The following PPL variants were observed in gnomAD, a reference collection of about 807,000 sequenced individuals.
PPL encodes the protein periplakin, also known as 190 kDa paraneoplastic pemphigus antigen.
Under a neutral mutation model 194.4 loss-of-function variants are expected in PPL, and 198 were observed. The ratio of observed to expected loss-of-function variants is 1.02; its 90% CI spans 0.91 to 1.15. The LOEUF is 1.15. PPL is among the 50% of genes most tolerant of loss of function. The pLI is 0.00. For synonymous variants in PPL, 1,220 were observed against 972.4 expected (o/e 1.25, Z -4.74); for missense variants, 2,885 against 2,294.8 (o/e 1.26, Z -5.25).
chr16:4,913,008 G>C lies in PPL; in HGVS notation c.63-2059C>G, dbSNP rs148954237. ...AGTCCCAGCTACTCGGGAGGCTGAG[G>C]CAGGAGAACTGCTTGAACCTGGGAG... On this transcript the variant is annotated intron_variant, in intron 1 of 21. Coordinates refer to ENST00000345988, the MANE Select transcript of PPL (RefSeq NM_002705.5). 8.1e-3 allele frequency among the ~76,000 whole-genome samples: 1,233 copies of C among 152,186 alleles called. 10 individuals carry two copies. The highest frequency in any genetic ancestry group is 0.013 in the Non-Finnish European group (892 of 68,010).
intron 1 of PPL, among the ~76,000 whole-genome samples, chr16:4,915,497 G>A (rs73519185): frequency 0.019 from 2,842 of 152,296 alleles, 87 homozygotes; most frequent in African/African-American, 0.063. Context: ...CTAAGTCCCC[G>A]GGGAGGTTGG....
At chr16:4,894,641 T>C in intron 11 of PPL, 23 bp from the exon 12 acceptor site, 1 of 1,607,956 alleles carries the variant, frequency 6.2e-7, no homozygotes, top group Non-Finnish European at 8.5e-7. Context: ...GGCTGGACAG[T>C]CAGGATCCCG....
intron 10 of PPL, 43 bp downstream of exon 10, chr16:4,895,551 C>T (rs1458235454): frequency 3.1e-6 from 5 of 1,612,212 alleles, no homozygotes; most frequent in Admixed American, 1.7e-5. Flanking sequence ...GTAGAGGGGT[C>T]CCCCGCCCCC....
intron 18 of PPL, 36 bp from the exon 19 acceptor site, chr16:4,889,097 A>G (rs2142334784): frequency 6.3e-7 from 1 of 1,583,724 alleles, no homozygotes; most frequent in African/African-American, 1.4e-5. Flanking sequence ...AACTAACCAG[A>G]AAAAAAATTT....
At chr16:4,911,485 C>G (rs1404167929) in intron 1 of PPL, among the ~76,000 whole-genome samples, 2 of 151,820 alleles carry the variant, frequency 1.3e-5, no homozygotes, top group Admixed American at 1.3e-4. Context: ...ATCATTCTCT[C>G]TAATGCTTCT....
chr16:4,920,338 AGAG>A (rs1199044636), intron 1 of PPL, among the ~76,000 whole-genome samples: 4 of 69,352 alleles, frequency 5.8e-5, no homozygotes, highest in Admixed American at 1.6e-4. Context: ...AAAGAAAGAG[AGAG>A]AGAGAGAAAG....
In PPL at chr16:4,902,545, C is replaced by T; in HGVS notation, c.318-19G>A. 6.2e-7 allele frequency: 1 copy of T among 1,610,396 alleles called. No homozygotes were observed. On this transcript the variant is annotated intron_variant, in intron 3 of 21. Transcript: ENST00000345988. The surrounding 1 kb of genome is among the most constrained non-coding windows in gnomAD (Gnocchi z 4.0). The stretch of plus-strand genomic sequence containing the variant: ...GCGGATACTGATGGGAGAGAGGCTC[C>T]CACTTAGTGGGGCTGGTTGGCACTG...
At chr16:4,900,511 C>A (rs1393075264) in intron 6 of PPL, among the ~76,000 whole-genome samples, 1 of 138,612 alleles carries the variant, frequency 7.2e-6, no homozygotes, top group African/African-American at 2.6e-5. Context: ...ACGATCACAG[C>A]TCATTGCAGC....
At chr16:4,889,408 C>T (rs1188409348) in intron 18 of PPL, among the ~76,000 whole-genome samples, 3 of 149,946 alleles carry the variant, frequency 2.0e-5, no homozygotes, top group African/African-American at 7.3e-5. Flanking sequence ...GCTCCTGCCA[C>T]CATACCCAGC....
intron 4 of PPL, 95 bp from the exon 5 acceptor site, chr16:4,901,184 GCT>G (rs947041883): frequency 7.2e-6 from 10 of 1,397,966 alleles, no homozygotes; most frequent in South Asian, 5.4e-5. Flanking sequence ...GCATGATGGT[GCT>G]CTCTTTTTCA....
In PPL at chr16:4,885,384, G is replaced by C. The variant is rs774352714; in HGVS notation, c.3271C>G (p.Leu1091Val). 1.2e-6 allele frequency: 2 copies of C among 1,612,884 alleles called. No homozygotes were observed. Among genetic ancestry groups the C allele is most frequent in the Non-Finnish European group, 8.5e-7 (1 of 1,179,968 alleles). ...DQLREKQEEE[L>V]SFLQDKLKRL... ...TTGAGCTTGTCCTGGAGGAAGCTCA[G>C]CTCCTCCTCCTGCTTCTCCCTGAGC... Residue 1091 changes from leucine (L) to valine (V), a missense_variant, in exon 22 of 22, where the codon CTG becomes GTG. Transcript: ENST00000345988. The surrounding 1 kb of genome is among the most constrained non-coding windows in gnomAD (Gnocchi z 6.3).
At chr16:4,898,049 A>C (rs923650310) in intron 8 of PPL, among the ~76,000 whole-genome samples, 1 of 152,198 alleles carries the variant, frequency 6.6e-6, no homozygotes. Flanking sequence ...AATCTGTACA[A>C]AGGCACTGTC....
At chr16:4,911,571 C>G (rs1261161062) in intron 1 of PPL, among the ~76,000 whole-genome samples, 1 of 152,198 alleles carries the variant, frequency 6.6e-6, no homozygotes, top group Non-Finnish European at 1.5e-5. Context: ...GTCTCACACT[C>G]TTGCCCAGGC....
intron 1 of PPL, among the ~76,000 whole-genome samples, chr16:4,920,333 A>AAGAGAGAGAGAGAGAGAGAAAGAGAGAG (rs1162923677): frequency 1.4e-5 from 1 of 73,660 alleles, no homozygotes; most frequent in Non-Finnish European, 3.8e-5. Context: ...GAAAGAAAGA[A>AAGAGAGAGAGAGAGAGAGAAAGAGAGAG]AGAGAGAGAG....
chr16:4,928,551 T>G (rs2089188190), intron 1 of PPL, among the ~76,000 whole-genome samples: 1 of 152,246 alleles, frequency 6.6e-6, no homozygotes, highest in Non-Finnish European at 1.5e-5. Context: ...AATTTTTTGC[T>G]GCCCCCACTG....
At chr16:4,924,352 T>C (rs1388674110) in intron 1 of PPL, among the ~76,000 whole-genome samples, 1 of 152,174 alleles carries the variant, frequency 6.6e-6, no homozygotes, top group Non-Finnish European at 1.5e-5. Context: ...GCACAGCCCA[T>C]GTCACGGGGC....
chr16:4,929,542 C>G (rs1343691467), intron 1 of PPL, among the ~76,000 whole-genome samples: 2 of 152,338 alleles, frequency 1.3e-5, no homozygotes, highest in South Asian at 2.1e-4. Context: ...ATGTCCCCAC[C>G]ACCACGGTTT....
intron 14 of PPL, 103 bp downstream of exon 14, chr16:4,893,110 G>A (rs927840904): frequency 1.5e-6 from 2 of 1,359,952 alleles, no homozygotes; most frequent in South Asian, 1.6e-5. Flanking sequence ...GACAGCTGCA[G>A]TGAATATCCC....
At chr16:4,923,492 G>A (rs756456723) in intron 1 of PPL, among the ~76,000 whole-genome samples, 38 of 152,270 alleles carry the variant, frequency 2.5e-4, no homozygotes, top group Admixed American at 5.2e-4. Context: ...AGCCATCAGC[G>A]ACCTGGAAGG....
Sources: allele counts gnomAD v4.1 joint callset (sites outside exome capture counted in the v4.1 genomes callset), GRCh38; gene constraint gnomAD v4.1.1; non-coding constraint Gnocchi (gnomAD v3.1); transcripts MANE v1.5; gene names NCBI Gene and HGNC (gene_info 2026-07-23, HGNC 2026-07-21).